The following TMEM132D variants were observed in gnomAD, a reference collection of about 807,000 sequenced individuals.
TMEM132D encodes the protein mature OL transmembrane protein.
In TMEM132D, 21 loss-of-function variants were observed where a neutral mutation model predicts 62.3. That is an observed-to-expected ratio of 0.34 (90% CI 0.24 to 0.49). The LOEUF (loss-of-function observed/expected upper bound fraction) is 0.49. Among genes scored for constraint, TMEM132D ranks in the 20% least tolerant of loss-of-function variants. TMEM132D has a pLI of 0.99. For synonymous variants in TMEM132D, 621 were observed against 575.6 expected (o/e 1.08, Z -1.13); for missense variants, 1,346 against 1,402.8 (o/e 0.96, Z 0.65).
intron 4 of TMEM132D, among the ~76,000 whole-genome samples, chr12:129,302,727 G>A (rs1881751946): frequency 6.6e-6 from 1 of 152,232 alleles, no homozygotes; most frequent in African/African-American, 2.4e-5. Flanking sequence ...CCATAAGCAC[G>A]TGTTCAGTGT....
chr12:129,089,245 C>A (rs796187560), intron 5 of TMEM132D, among the ~76,000 whole-genome samples: 4 of 34,354 alleles, frequency 1.2e-4, no homozygotes, highest in South Asian at 1.1e-3. Context: ...GGTGTCCTCC[C>A]TGACCGGGTG....
At chr12:129,181,274 C>T (rs4964845) in intron 5 of TMEM132D, among the ~76,000 whole-genome samples, 38,667 of 152,114 alleles carry the variant, frequency 0.25, 6,172 homozygotes, top group East Asian at 0.53. Context: ...CTTCCAACAT[C>T]CCATCAGTCA....
intron 2 of TMEM132D, 86 bp downstream of exon 2, chr12:129,699,724 T>G: frequency 6.5e-7 from 1 of 1,533,752 alleles, no homozygotes; most frequent in Non-Finnish European, 8.8e-7. Flanking sequence ...CGGTGAGCGA[T>G]AACACAGCTT....
chr12:129,205,831 C>T (rs148008940), intron 5 of TMEM132D, among the ~76,000 whole-genome samples: 1 of 152,158 alleles, frequency 6.6e-6, no homozygotes, highest in East Asian at 1.9e-4. Flanking sequence ...TCTCAGACCA[C>T]AGCACAATGA....
intron 2 of TMEM132D, among the ~76,000 whole-genome samples, chr12:129,546,865 GAGACTTCTGAA>G (rs1160926761): frequency 1.3e-5 from 2 of 151,990 alleles, no homozygotes; most frequent in Admixed American, 6.6e-5. Context: ...GAGAATTTTG[GAGACTTCTGAA>G]AGACATCTTT....
intron 1 of TMEM132D, among the ~76,000 whole-genome samples, chr12:129,750,571 G>C (rs1026403935): frequency 6.6e-6 from 1 of 152,184 alleles, no homozygotes; most frequent in African/African-American, 2.4e-5. Flanking sequence ...CTATTCGTAA[G>C]TGGTAAAGAA....
chr12:129,584,659 A>G (rs1339660529), intron 2 of TMEM132D, among the ~76,000 whole-genome samples: 1 of 152,240 alleles, frequency 6.6e-6, no homozygotes, highest in Non-Finnish European at 1.5e-5. Flanking sequence ...AAGAGGACGA[A>G]GGAACCAGAT....
chr12:129,567,435 G>A (rs1004315859), intron 2 of TMEM132D, among the ~76,000 whole-genome samples: 24 of 152,144 alleles, frequency 1.6e-4, no homozygotes, highest in Non-Finnish European at 8.8e-5. Context: ...AAGTTTTAGT[G>A]TAGTATTAAA....
At chr12:129,238,931 A>C (rs935515694) in intron 4 of TMEM132D, among the ~76,000 whole-genome samples, 1 of 151,190 alleles carries the variant, frequency 6.6e-6, no homozygotes, top group African/African-American at 2.4e-5. Context: ...ACCATGTTAC[A>C]TTTCCACCAA....
At chr12:129,271,233 A>G (rs1281647183) in intron 4 of TMEM132D, among the ~76,000 whole-genome samples, 2 of 149,328 alleles carry the variant, frequency 1.3e-5, no homozygotes, top group African/African-American at 5.2e-5. Context: ...TGCTGCCGGA[A>G]GACTGGGAGC....
At chr12:129,871,871 C>T (rs2137377599) in intron 1 of TMEM132D, among the ~76,000 whole-genome samples, 1 of 152,304 alleles carries the variant, frequency 6.6e-6, no homozygotes, top group Admixed American at 6.5e-5. Flanking sequence ...CCCCATGGCC[C>T]TTCCGGCCTG....
intron 4 of TMEM132D, among the ~76,000 whole-genome samples, chr12:129,305,664 C>G (rs1881831398): frequency 6.6e-6 from 1 of 152,156 alleles, no homozygotes; most frequent in Non-Finnish European, 1.5e-5. Context: ...AGCTCTGGAG[C>G]TTGACTGCCC....
chr12:129,195,029 C>G (rs12306634), intron 5 of TMEM132D, among the ~76,000 whole-genome samples: 50,926 of 152,072 alleles, frequency 0.33, 8,990 homozygotes, highest in East Asian at 0.57. Flanking sequence ...AGTCCTCACC[C>G]TTGTAGAGGT....
chr12:129,679,393 C>T (rs1023947212), intron 2 of TMEM132D, among the ~76,000 whole-genome samples: 2 of 151,960 alleles, frequency 1.3e-5, no homozygotes, highest in Non-Finnish European at 2.9e-5. Context: ...ATAGATTTAG[C>T]TCTTCCTTAA....
At chr12:129,201,074 C>T (rs910474276) in intron 5 of TMEM132D, among the ~76,000 whole-genome samples, 2 of 152,204 alleles carry the variant, frequency 1.3e-5, no homozygotes, top group Admixed American at 6.5e-5. Context: ...TATAATAAAG[C>T]AGGTTCACCA....
chr12:129,298,017 CT>C (rs1881618799), intron 4 of TMEM132D, among the ~76,000 whole-genome samples: 1 of 152,178 alleles, frequency 6.6e-6, no homozygotes, highest in Admixed American at 6.5e-5. Flanking sequence ...ATGCCACAAT[CT>C]GGGTGGGGAG....
At chr12:129,813,556 G>A (rs577084923) in intron 1 of TMEM132D, among the ~76,000 whole-genome samples, 7 of 149,472 alleles carry the variant, frequency 4.7e-5, no homozygotes, top group African/African-American at 7.4e-5. Context: ...CACAATAGGC[G>A]AAATATGGAA....
chr12:129,392,134 C>T (rs535230493), intron 3 of TMEM132D, among the ~76,000 whole-genome samples: 6 of 145,830 alleles, frequency 4.1e-5, no homozygotes, highest in South Asian at 2.2e-4. Context: ...CTCGGCTCAC[C>T]GCAACCTCTG....
At chr12:129,374,281 G>GAGAGAGAGAGAGAGAGAC (rs1289321110) in intron 3 of TMEM132D, among the ~76,000 whole-genome samples, 1 of 151,830 alleles carries the variant, frequency 6.6e-6, no homozygotes, top group Non-Finnish European at 1.5e-5. Context: ...GAGAGAGAGA[G>GAGAGAGAGAGAGAGAGAC]AGAGAGAGAG....
Sources: gnomAD v4.1 joint callset for allele counts (sites outside exome capture counted in the v4.1 genomes callset) on GRCh38, gnomAD v4.1.1 for gene constraint, MANE v1.5 for transcripts, NCBI Gene and HGNC (gene_info 2026-07-23, HGNC 2026-07-21) for gene names.